The following NELFE variants were observed in gnomAD, a reference collection of about 807,000 sequenced individuals.
NELFE encodes the protein negative elongation factor complex member E.
A neutral mutation model predicts 55.5 loss-of-function variants in NELFE; 26 were observed. The observed-to-expected ratio is 0.47, with a 90% CI of 0.34 to 0.65. NELFE has a LOEUF of 0.65. Among genes scored for constraint, NELFE ranks in the 30% least tolerant of loss-of-function variants. The pLI, the probability that NELFE is intolerant of heterozygous loss-of-function variation, is 0.01. For missense variants in NELFE, 403 were observed against 506.9 expected, an observed-to-expected ratio of 0.80 and a Z score of 1.97; for synonymous variants, 162 against 178.0, an observed-to-expected ratio of 0.91 and a Z score of 0.72.
Position 31,958,430 on chromosome 6 carries a change from G to C in NELFE, c.17C>G (p.Pro6Arg), listed in dbSNP as rs1562647428. 6.2e-7 allele frequency: 1 copy of C among 1,613,052 alleles called. No individual in the cohort carries two copies. Reference protein sequence around the residue: MLVIPPGLSEEEEALQ... With the variant: MLVIPRGLSEEEEALQ... ...AGCCTCCTCTTCCTCGCTCAGTCCG[G>C]GGGGTATCACCAACATGGTGGCTCC... is the stretch of plus-strand genomic sequence containing the variant. The change falls in exon 2 of 11, where the codon CCC becomes CGC. Residue 6 changes from proline (P) to arginine (R), a missense_variant. Around this residue, in one of 3 missense-constraint regions of NELFE, gnomAD observed 97 missense variants for 155.3 expected, o/e 0.62. Coordinates refer to ENST00000375429, the MANE Select transcript of NELFE (RefSeq NM_002904.6).
At chr6:31,957,326 G>A (rs1772148974) in intron 2 of NELFE, 4 of 583,656 alleles carry the variant, frequency 6.9e-6, no homozygotes, top group South Asian at 3.1e-5. Context: ...GCCTTTCCTG[G>A]AAGCTTCATC....
In NELFE at chr6:31,954,591, G is replaced by A. The variant is rs781720090; in HGVS notation, c.706C>T (p.Arg236Trp). Residue 236 changes from arginine to tryptophan, a missense_variant, in exon 7 of 11, where the codon CGG (arginine) becomes TGG (tryptophan). By Grantham distance (101) the Arg-to-Trp change is moderately radical. Coordinates refer to ENST00000375429, the MANE Select transcript of NELFE (RefSeq NM_002904.6). The surrounding 1 kb of genome is among the most constrained non-coding windows in gnomAD (Gnocchi z 5.5). The part of the protein sequence containing the change: ...RDRERDRDRE[R>W]DRDRDREGPF... ...CCCTCTCGGTCTCGGTCTCGATCCC[G>A]CTCCCGATCCCTGTCCCGTTCCCGG... The A allele has an allele frequency of 5.1e-6, 8 of 1,566,428 alleles. No individual in the cohort carries two copies. Among genetic ancestry groups the A allele is most frequent in the South Asian group, 3.7e-5 (3 of 81,908 alleles).
intron 4 of NELFE, among the ~76,000 whole-genome samples, chr6:31,956,319 G>A (rs1772087835): frequency 1.3e-5 from 2 of 150,334 alleles, no homozygotes; most frequent in African/African-American, 4.9e-5. Flanking sequence ...CAAGTGATCT[G>A]CCCACCTCAG....
In NELFE at chr6:31,956,764, TG is replaced by T; in HGVS notation, c.219del (p.Ile74SerfsTer23). On this transcript the variant is annotated frameshift_variant, in exon 4 of 11. Coordinates refer to ENST00000375429, the MANE Select transcript of NELFE (RefSeq NM_002904.6). LOFTEE classifies it high-confidence loss of function. ...EQAKQLVKSG[A>X]ISAIKAETKN... is the part of the protein sequence containing the mutation. ...TTGGTCTCAGCCTTGATGGCACTGA[TG>T]GCTCCTGACTTCACCAGCTGCTTTG... The T allele has an allele frequency of 6.2e-7, 1 of 1,613,106 alleles. No homozygotes were observed. The highest frequency in any genetic ancestry group is 1.1e-5 in the South Asian group (1 of 91,084).
chr6:31,957,839 G>C (rs1360155020), intron 2 of NELFE, among the ~76,000 whole-genome samples: 2 of 152,210 alleles, frequency 1.3e-5, no homozygotes. Context: ...AATTTGTTGA[G>C]AGACCATTAC....
chr6:31,954,347 A>G lies in NELFE; in HGVS notation c.838T>C (p.Phe280Leu). 6.2e-7 allele frequency: 1 copy of G among 1,613,740 alleles called. No individual in the cohort carries two copies. The highest frequency in any genetic ancestry group is 8.5e-7 in the Non-Finnish European group (1 of 1,179,842). The stretch of plus-strand genomic sequence containing the variant: ...TCAATGATGTTTCCAAAAGGAGAGA[A>G]GGCCCCACGGAGAAGGGTGGGTGTC... Reference protein sequence around the residue: ...DMTPTLLRGAFSPFGNIIDLS... With the variant: ...DMTPTLLRGALSPFGNIIDLS... The change falls in exon 8 of 11, where the codon TTC (phenylalanine) becomes CTC (leucine). Residue 280 changes from phenylalanine (F) to leucine (L), a missense_variant. By Grantham distance (22) the Phe-to-Leu change is conservative. This residue lies in a region of NELFE where 229 missense variants were observed against 228.3 expected (regional missense o/e 1.00). Transcript: ENST00000375429. This position sits in a 1 kb window ranked among gnomAD's most constrained non-coding sequence, Gnocchi z 5.5.
intron 9 of NELFE, 24 bp from the exon 10 acceptor site, chr6:31,953,855 A>G (rs745443477): frequency 5.7e-6 from 9 of 1,579,312 alleles, no homozygotes; most frequent in Non-Finnish European, 7.8e-6. Context: ...GGGGAGGCAG[A>G]GGATGGGGAG....
chr6:31,954,413 G>A lies in NELFE; in HGVS notation c.772C>T (p.Pro258Ser). The A allele has an allele frequency of 1.2e-6, 2 of 1,608,044 alleles. No homozygotes were observed. The highest frequency in any genetic ancestry group is 1.1e-5 in the South Asian group (1 of 90,626). ...ACATAGAGAGTATTCCCTTTCCTAG[G>A]GGCTCGCCGTTCAGGGAATGAATCC... ...RSDSFPERRA[P>S]RKGNTLYVYG... The change falls in exon 8 of 11, where the codon CCT (proline) becomes TCT (serine). Residue 258 changes from proline (P) to serine (S), a missense_variant. Transcript: ENST00000375429. This position sits in a 1 kb window ranked among gnomAD's most constrained non-coding sequence, Gnocchi z 5.5.
intron 10 of NELFE, among the ~76,000 whole-genome samples, chr6:31,952,947 C>T (rs997498184): frequency 6.6e-5 from 10 of 152,206 alleles, no homozygotes; most frequent in African/African-American, 2.4e-4. Flanking sequence ...CTCTTTCCTC[C>T]CTCCACCAGA....
At chr6:31,958,756 G>T (rs114214933) in intron 1 of NELFE, 136 bp downstream of exon 1, 1 of 701,110 alleles carries the variant, frequency 1.4e-6, no homozygotes, top group Non-Finnish European at 2.6e-6. Context: ...CCTCGCTAGG[G>T]TAAGGACAAC....
intron 9 of NELFE, 111 bp from the exon 10 acceptor site, chr6:31,953,942 A>C: frequency 7.5e-7 from 1 of 1,339,192 alleles, no homozygotes; most frequent in Admixed American, 1.8e-5. Context: ...GGAATCTGAG[A>C]ATGTGAGTTT....
Position 31,954,182 on chromosome 6 carries a change from G to A in NELFE, c.888-48C>T, listed in dbSNP as rs759701698. 2.5e-5 allele frequency: 41 copies of A among 1,610,280 alleles called. No individual in the cohort carries two copies. Among genetic ancestry groups the A allele is most frequent in the Non-Finnish European group, 2.5e-5 (30 of 1,176,724 alleles). ...CAGTGGAGAGCCAAGGGGCTCTTCTGGACCCAACCAAACCCAGTGATAATA... is the reference window on the plus strand; with the variant it reads ...CAGTGGAGAGCCAAGGGGCTCTTCTAGACCCAACCAAACCCAGTGATAATA... On this transcript the variant is annotated intron_variant, in intron 8 of 10. Coordinates refer to ENST00000375429, the MANE Select transcript of NELFE (RefSeq NM_002904.6). The surrounding 1 kb of genome is among the most constrained non-coding windows in gnomAD (Gnocchi z 5.5).
At position 31,954,125 on chromosome 6, in the gene NELFE, G is replaced by A. The variant is rs141063076; in HGVS notation, c.897C>T (p.Phe299=). ...LSMDPPRNCA[F]VTYEKMESAD... ...CTGACTCCATCTTTTCATAGGTGAC[G>A]AAGGCACAGCTGGGATAAGAGAAAA... The change falls in exon 9 of 11, where the codon TTC becomes TTT. Residue 299 remains phenylalanine (F), a synonymous_variant. Transcript: ENST00000375429. This position sits in a 1 kb window ranked among gnomAD's most constrained non-coding sequence, Gnocchi z 5.5. 3.4e-5 allele frequency: 55 copies of A among 1,613,916 alleles called. No individual in the cohort carries two copies. The African/African-American group carries it at 3.5e-4, about 10-fold the overall frequency.
intron 10 of NELFE, 115 bp from the exon 11 acceptor site, chr6:31,952,513 C>A: frequency 1.5e-6 from 1 of 682,940 alleles, no homozygotes; most frequent in Non-Finnish European, 2.4e-6. Context: ...CCAGTTTCCA[C>A]GCTGCCCTCT....
chr6:31,956,854 G>A lies in NELFE; in HGVS notation c.146-16C>T, dbSNP rs185147690. ...TCTGATAGTGCTGGAGAGACAAGGG[G>A]AAGAGGCATTATGTTGGCCAAGCCA... On this transcript the variant is annotated splice_polypyrimidine_tract_variant and intron_variant, in intron 3 of 10. Transcript: ENST00000375429. 13 of 1,613,072 alleles carry A rather than the reference G, an allele frequency of 8.1e-6. No homozygotes were observed. The highest frequency in any genetic ancestry group is 1.1e-5 in the South Asian group (1 of 91,082).
rs986307449 is a variant in NELFE, at chr6:31,952,151, G to T, written c.*150C>A. The T allele has an allele frequency of 1.4e-6, 2 of 1,478,162 alleles. No individual in the cohort carries two copies. The highest frequency in any genetic ancestry group is 1.9e-6 in the Non-Finnish European group (2 of 1,065,882). 91.6% of individuals were successfully genotyped at this position (1,478,162 alleles called of 1,614,324 possible). On this transcript the variant is annotated 3_prime_UTR_variant, in exon 11 of 11. Coordinates refer to ENST00000375429, the MANE Select transcript of NELFE (RefSeq NM_002904.6). ...GGCACTGGCCATGTTGTTACACTGA[G>T]ATCAAACCTGACAGCCGTTTTTAAA...
At chr6:31,956,000 G>A (rs890941868) in intron 4 of NELFE, among the ~76,000 whole-genome samples, 4 of 151,060 alleles carry the variant, frequency 2.6e-5, no homozygotes, top group African/African-American at 9.8e-5. Context: ...GCACAATCTC[G>A]ACTCACTGCA....
chr6:31,957,090 C>G (rs1033623103), intron 2 of NELFE, 80 bp from the exon 3 acceptor site: 1 of 1,273,364 alleles, frequency 7.9e-7, no homozygotes, highest in African/African-American at 1.5e-5. Context: ...CTGGGCACAT[C>G]ACTCCAGGGA....
rs777569839 is a variant in NELFE, at chr6:31,955,114, A to G, written c.367-18T>C. On this transcript the variant is annotated intron_variant, in intron 5 of 10. Transcript: ENST00000375429. ...CTGGATGACTGTAAAAGAGACCAAGAACAGTTAAGATGATTTCCAGTTGCT... is the reference window on the plus strand; with the variant it reads ...CTGGATGACTGTAAAAGAGACCAAGGACAGTTAAGATGATTTCCAGTTGCT... The G allele has an allele frequency of 1.9e-6, 3 of 1,612,918 alleles. No individual in the cohort carries two copies. The African/African-American group carries it at 4.0e-5, about 22-fold the overall frequency.
Sources: allele counts gnomAD v4.1 joint callset (sites outside exome capture counted in the v4.1 genomes callset), GRCh38; gene constraint gnomAD v4.1.1; regional missense constraint gnomAD v4.1.1; non-coding constraint Gnocchi (gnomAD v3.1); transcripts MANE v1.5; gene names NCBI Gene and HGNC (gene_info 2026-07-23, HGNC 2026-07-21).